CD247: variants seen among roughly 807,000 people sequenced by gnomAD.
The protein encoded by CD247 is T-cell surface glycoprotein CD3 zeta chain.
CD247 carries 13 observed loss-of-function variants against 30.0 expected under a neutral mutation model. The ratio of observed to expected loss-of-function variants is 0.43; its 90% CI spans 0.28 to 0.69. The LOEUF (loss-of-function observed/expected upper bound fraction) is 0.69. Ranked by LOEUF, CD247 falls within the 30% of genes least tolerant of loss-of-function variation. The pLI is 0.16. For missense variants in CD247, 193 were observed against 212.6 expected, an observed-to-expected ratio of 0.91 and a Z score of 0.57; for synonymous variants, 72 against 80.0, an observed-to-expected ratio of 0.90 and a Z score of 0.53.
At chr1:167,515,375 G>A (rs1255044239) in intron 1 of CD247, among the ~76,000 whole-genome samples, 1 of 152,106 alleles carries the variant, frequency 6.6e-6, no homozygotes, top group Non-Finnish European at 1.5e-5. Context: ...TCCTTTCAAA[G>A]TAATACTTTG....
At chr1:167,481,142 C>CTG (rs1213345648) in intron 1 of CD247, among the ~76,000 whole-genome samples, 1 of 152,088 alleles carries the variant, frequency 6.6e-6, no homozygotes, top group Non-Finnish European at 1.5e-5. Context: ...CAGAAATTAC[C>CTG]TGTGTGTGGT....
At chr1:167,496,340 A>AT (rs1654689791) in intron 1 of CD247, among the ~76,000 whole-genome samples, 1 of 152,162 alleles carries the variant, frequency 6.6e-6, no homozygotes, top group Non-Finnish European at 1.5e-5. Flanking sequence ...GGACTAGATG[A>AT]TTTTGTAGGT....
intron 7 of CD247, 138 bp from the exon 8 acceptor site, chr1:167,431,884 C>G (rs554994388): frequency 0.022 from 16,986 of 775,872 alleles, 255 homozygotes; most frequent in Middle Eastern, 0.031. Flanking sequence ...AGGAATAATC[C>G]CCCTGGCCCC....
intron 1 of CD247, among the ~76,000 whole-genome samples, chr1:167,487,355 G>C (rs1654256550): frequency 6.6e-6 from 1 of 152,208 alleles, no homozygotes; most frequent in South Asian, 2.1e-4. Flanking sequence ...CAGCCTGAGA[G>C]ATAGAGTGAG....
intron 1 of CD247, among the ~76,000 whole-genome samples, chr1:167,445,059 G>T (rs1652004809): frequency 6.6e-6 from 1 of 152,028 alleles, no homozygotes; most frequent in African/African-American, 2.4e-5. Context: ...CCAAGTGGCT[G>T]GGATTACAGG....
chr1:167,511,451 A>G (rs1296907920), intron 1 of CD247, among the ~76,000 whole-genome samples: 1 of 152,238 alleles, frequency 6.6e-6, no homozygotes, highest in African/African-American at 2.4e-5. Context: ...GAATAGATGC[A>G]TTTTCTGAGA....
chr1:167,506,305 CTTTCCTTTCT>C lies in CD247; in HGVS notation c.58+12093_58+12102del, dbSNP rs1558032501. Among the ~76,000 whole-genome samples the C allele has an allele frequency of 5.2e-3, 688 of 132,994 alleles. 7 individuals carry two copies. Among genetic ancestry groups the C allele is most frequent in the African/African-American group, 0.017 (603 of 35,194 alleles). 87.2% of individuals were successfully genotyped at this position (132,994 alleles called of 152,430 possible). ...TTCTTTTCTTTTTTCTTTTCTTTTC[CTTTCCTTTCT>C]TTTCTTTTCTTTTTTCTTTCTCCTC... On this transcript the variant is annotated intron_variant, in intron 1 of 7. Coordinates refer to ENST00000362089, the MANE Select transcript of CD247 (RefSeq NM_198053.3).
At chr1:167,489,020 G>T (rs888890517) in intron 1 of CD247, among the ~76,000 whole-genome samples, 12 of 152,192 alleles carry the variant, frequency 7.9e-5, no homozygotes, top group African/African-American at 2.9e-4. Flanking sequence ...ACACCTCGTG[G>T]AGAGGTAACT....
At chr1:167,506,419 C>T (rs1313672627) in intron 1 of CD247, among the ~76,000 whole-genome samples, 2 of 151,196 alleles carry the variant, frequency 1.3e-5, no homozygotes, top group Non-Finnish European at 2.9e-5. Flanking sequence ...ATTATCACGG[C>T]TCACTGCAAC....
chr1:167,509,632 C>T (rs1655302744), intron 1 of CD247, among the ~76,000 whole-genome samples: 1 of 152,134 alleles, frequency 6.6e-6, no homozygotes, highest in Admixed American at 6.6e-5. Flanking sequence ...TATCTGGGTG[C>T]CGAGTCTCTT....
intron 1 of CD247, among the ~76,000 whole-genome samples, chr1:167,489,203 C>T (rs1208085519): frequency 6.6e-6 from 1 of 152,144 alleles, no homozygotes; most frequent in Non-Finnish European, 1.5e-5. Context: ...CCCCCTTCCC[C>T]ACCCCAAACT....
At chr1:167,476,416 C>T (rs552334250) in intron 1 of CD247, among the ~76,000 whole-genome samples, 1 of 152,312 alleles carries the variant, frequency 6.6e-6, no homozygotes, top group East Asian at 1.9e-4. Flanking sequence ...AATTTTCTTT[C>T]TTTATCTATA....
chr1:167,432,304 T>C (rs1651309573), intron 7 of CD247, among the ~76,000 whole-genome samples: 1 of 152,178 alleles, frequency 6.6e-6, no homozygotes, highest in Non-Finnish European at 1.5e-5. Context: ...CCTGCTGGAA[T>C]GCCTGTCCCC....
At chr1:167,446,601 A>T (rs567584701) in intron 1 of CD247, among the ~76,000 whole-genome samples, 43 of 151,962 alleles carry the variant, frequency 2.8e-4, no homozygotes, top group African/African-American at 1.0e-3. Context: ...TGGCCCTCTG[A>T]CCTCCCACAC....
At chr1:167,470,449 AT>A (rs946342229) in intron 1 of CD247, among the ~76,000 whole-genome samples, 2 of 147,138 alleles carry the variant, frequency 1.4e-5, no homozygotes, top group African/African-American at 2.5e-5. Flanking sequence ...TGGGGGAAAT[AT>A]TTTTTTTATT....
chr1:167,442,723 C>T (rs994512403), intron 1 of CD247, among the ~76,000 whole-genome samples: 1 of 152,106 alleles, frequency 6.6e-6, no homozygotes, highest in South Asian at 2.1e-4. Context: ...GCCAGTGTCC[C>T]CACCCCCACC....
intron 1 of CD247, among the ~76,000 whole-genome samples, chr1:167,449,212 G>A (rs35014055): frequency 0.27 from 39,145 of 143,654 alleles, 6,633 homozygotes; most frequent in Middle Eastern, 0.42. Flanking sequence ...GAGTGCAGTG[G>A]CATGATCTTG....
chr1:167,492,940 G>C (rs1654516449), intron 1 of CD247, among the ~76,000 whole-genome samples: 1 of 150,202 alleles, frequency 6.7e-6, no homozygotes, highest in South Asian at 2.1e-4. Context: ...TATGCTTATT[G>C]TTCTACTTTT....
intron 1 of CD247, among the ~76,000 whole-genome samples, chr1:167,467,347 A>G (rs889752554): frequency 6.6e-6 from 1 of 152,198 alleles, no homozygotes; most frequent in Non-Finnish European, 1.5e-5. Flanking sequence ...TCATGAAACC[A>G]TGCCTTGCTT....
Sources: gnomAD v4.1 joint callset for allele counts (sites outside exome capture counted in the v4.1 genomes callset) on GRCh38, gnomAD v4.1.1 for gene constraint, MANE v1.5 for transcripts, NCBI Gene and HGNC (gene_info 2026-07-23, HGNC 2026-07-21) for gene names.